ADK: variants seen among roughly 807,000 people sequenced by gnomAD.
ADK encodes N6,N6-dimethyladenosine kinase.
In ADK, 24 loss-of-function variants were observed where a neutral mutation model predicts 44.7. That is an observed-to-expected ratio of 0.54 (90% CI 0.39 to 0.76). The LOEUF (loss-of-function observed/expected upper bound fraction) is 0.76, where lower values mean the gene tolerates loss of function less well. Ranked by LOEUF, ADK falls within the 30% of genes least tolerant of loss-of-function variation. ADK has a pLI of 0.00. For missense variants in ADK, 321 were observed against 425.1 expected, an observed-to-expected ratio of 0.76 and a Z score of 2.15; for synonymous variants, 128 against 142.6, an observed-to-expected ratio of 0.90 and a Z score of 0.73.
At chr10:74,152,055 C>T (rs1412715632) in intron 1 of ADK, among the ~76,000 whole-genome samples, 3 of 152,190 alleles carry the variant, frequency 2.0e-5, no homozygotes, top group Non-Finnish European at 4.4e-5. Context: ...TAAAGTGAAG[C>T]AGGCAGTCTT....
At chr10:74,444,038 A>G (rs1262886755) in intron 6 of ADK, among the ~76,000 whole-genome samples, 1 of 152,154 alleles carries the variant, frequency 6.6e-6, no homozygotes, top group African/African-American at 2.4e-5. Context: ...AGAGCTTTAT[A>G]GATCACCAGT....
At chr10:74,281,849 T>C (rs1846950737) in intron 3 of ADK, among the ~76,000 whole-genome samples, 1 of 152,254 alleles carries the variant, frequency 6.6e-6, no homozygotes, top group Admixed American at 6.5e-5. Context: ...TCTTTGTCCA[T>C]AACTTTTATG....
intron 4 of ADK, among the ~76,000 whole-genome samples, chr10:74,349,212 T>C (rs1406873076): frequency 6.6e-6 from 1 of 152,094 alleles, no homozygotes; most frequent in African/African-American, 2.4e-5. Context: ...CAATAGCAGA[T>C]CTCTCTGCAG....
chr10:74,228,397 C>G (rs1169390984), intron 3 of ADK, among the ~76,000 whole-genome samples: 2 of 152,070 alleles, frequency 1.3e-5, no homozygotes, highest in South Asian at 2.1e-4. Flanking sequence ...TATACATGAT[C>G]CAGTAATCAA....
intron 10 of ADK, among the ~76,000 whole-genome samples, chr10:74,695,619 GGTGT>G (rs749294668): frequency 0.015 from 1,364 of 90,078 alleles, 17 homozygotes; most frequent in African/African-American, 0.032. Flanking sequence ...GTATGTGTGG[GGTGT>G]GTGTGTGTGT....
chr10:74,507,124 C>T (rs576708357), intron 6 of ADK, among the ~76,000 whole-genome samples: 5 of 151,986 alleles, frequency 3.3e-5, no homozygotes, highest in African/African-American at 7.2e-5. Context: ...TTGGACTTAA[C>T]ATTAAACAGG....
intron 9 of ADK, among the ~76,000 whole-genome samples, chr10:74,603,748 C>G (rs1188413233): frequency 6.6e-6 from 1 of 152,130 alleles, no homozygotes; most frequent in Non-Finnish European, 1.5e-5. Context: ...GATTTATAAT[C>G]CTTTGGGTAT....
intron 1 of ADK, among the ~76,000 whole-genome samples, chr10:74,200,327 T>A (rs1210326616): frequency 6.6e-6 from 1 of 151,626 alleles, no homozygotes; most frequent in Non-Finnish European, 1.5e-5. Flanking sequence ...CTACTAAAAA[T>A]ACAAAAATTA....
At chr10:74,173,898 T>G (rs994925623) in intron 1 of ADK, among the ~76,000 whole-genome samples, 2 of 152,220 alleles carry the variant, frequency 1.3e-5, no homozygotes, top group African/African-American at 4.8e-5. Context: ...GTAATAATTA[T>G]GCCATGTGCC....
chr10:74,704,519 T>C (rs958094844), intron 10 of ADK, among the ~76,000 whole-genome samples: 1 of 152,240 alleles, frequency 6.6e-6, no homozygotes, highest in Non-Finnish European at 1.5e-5. Flanking sequence ...ATGTAGTATC[T>C]GTATTTCATT....
chr10:74,529,352 G>T (rs1009908565), intron 7 of ADK: 2 of 152,134 alleles, frequency 1.3e-5, no homozygotes, highest in African/African-American at 4.8e-5. Context: ...GATTACCTGG[G>T]AGTGGGGTGG....
intron 1 of ADK, among the ~76,000 whole-genome samples, chr10:74,169,408 G>A (rs1185424295): frequency 6.6e-6 from 1 of 152,160 alleles, no homozygotes; most frequent in Non-Finnish European, 1.5e-5. Flanking sequence ...GATAAGCAGT[G>A]TTATCTTGTA....
At chr10:74,402,066 C>T (rs1843735288) in intron 6 of ADK, among the ~76,000 whole-genome samples, 1 of 152,150 alleles carries the variant, frequency 6.6e-6, no homozygotes, top group Non-Finnish European at 1.5e-5. Context: ...TGAATATTGG[C>T]CCCCACTCTC....
At chr10:74,180,817 C>T (rs1842527844) in intron 1 of ADK, among the ~76,000 whole-genome samples, 1 of 152,188 alleles carries the variant, frequency 6.6e-6, no homozygotes, top group Non-Finnish European at 1.5e-5. Flanking sequence ...TCCCAAAGTG[C>T]TGGGATTACA....
chr10:74,499,959 C>T (rs1183380238), intron 6 of ADK, among the ~76,000 whole-genome samples: 2 of 152,080 alleles, frequency 1.3e-5, no homozygotes, highest in African/African-American at 4.8e-5. Context: ...ATGCTGTTGC[C>T]TCCTCAAATC....
intron 6 of ADK, among the ~76,000 whole-genome samples, chr10:74,499,667 G>A (rs1847824404): frequency 6.6e-6 from 1 of 151,516 alleles, no homozygotes; most frequent in South Asian, 2.1e-4. Context: ...CAGCCTGGGC[G>A]ACAGAGCGAG....
At chr10:74,676,302 G>T (rs983976514) in intron 10 of ADK, among the ~76,000 whole-genome samples, 1 of 151,828 alleles carries the variant, frequency 6.6e-6, no homozygotes, top group Non-Finnish European at 1.5e-5. Context: ...GCTAATTTTT[G>T]TATTTTTAGT....
chr10:74,153,069 A>G (rs4390292), intron 1 of ADK, among the ~76,000 whole-genome samples: 80,960 of 152,024 alleles, frequency 0.53, 22,546 homozygotes, highest in Middle Eastern at 0.62. Context: ...CTTGCTTGAC[A>G]GGGGATTGCT....
chr10:74,702,808 A>G (rs192784627), intron 10 of ADK, among the ~76,000 whole-genome samples: 2 of 152,040 alleles, frequency 1.3e-5, no homozygotes, highest in Admixed American at 6.6e-5. Flanking sequence ...CATGTTGGCC[A>G]GGCTGGTCTC....
Sources: allele counts gnomAD v4.1 joint callset (sites outside exome capture counted in the v4.1 genomes callset), GRCh38; gene constraint gnomAD v4.1.1; transcripts MANE v1.5; gene names NCBI Gene and HGNC (gene_info 2026-07-23, HGNC 2026-07-21).